RB1CC1: variants seen among roughly 807,000 people sequenced by gnomAD.
RB1CC1 encodes the protein RB1 inducible coiled-coil 1.
RB1CC1 carries 46 observed loss-of-function variants against 177.5 expected under a neutral mutation model. The ratio of observed to expected loss-of-function variants is 0.26; its 90% CI spans 0.20 to 0.33. The LOEUF (loss-of-function observed/expected upper bound fraction) is 0.33. RB1CC1 is among the 10% of genes least tolerant of loss of function. The pLI is 1.00. For synonymous variants in RB1CC1, 666 were observed against 613.6 expected, an observed-to-expected ratio of 1.09 and a Z score of -1.26; for missense variants, 1,703 against 1,816.3, an observed-to-expected ratio of 0.94 and a Z score of 1.13.
chr8:52,706,751 A>AG (rs1491287657), intron 1 of RB1CC1, among the ~76,000 whole-genome samples: 2 of 144,470 alleles, frequency 1.4e-5, no homozygotes, highest in Admixed American at 6.9e-5. Flanking sequence ...AAAAAAAAAA[A>AG]GAGAGAGAGA....
Position 52,658,916 on chromosome 8 carries a change from A to G in RB1CC1, c.1750T>C (p.Phe584Leu), listed in dbSNP as rs776022372. The part of the protein sequence containing the change: ...LPDISLKDLQ[F>L]LQSFCPSEVQ... ...TCCGAAGGACAAAATGATTGCAGAA[A>G]CTGTAAATCTTTTAATGAAATATCT... The change falls in exon 13 of 24, where the codon TTT becomes CTT. Residue 584 changes from phenylalanine to leucine, a missense_variant. This residue lies in a region of RB1CC1 where 1,169 missense variants were observed against 1,184.7 expected (regional missense o/e 0.99). Transcript: ENST00000025008. 2 of 1,589,472 alleles carry G rather than the reference A, an allele frequency of 1.3e-6. No individual in the cohort carries two copies. The highest frequency in any genetic ancestry group is 2.7e-5 in the African/African-American group (2 of 73,868).
At chr8:52,670,537 A>G (rs1029739947) in intron 7 of RB1CC1, among the ~76,000 whole-genome samples, 2 of 152,242 alleles carry the variant, frequency 1.3e-5, no homozygotes, top group African/African-American at 4.8e-5. Flanking sequence ...CCTTAAGATC[A>G]CAAGTTGTCT....
At chr8:52,700,036 A>C (rs1855906104) in intron 1 of RB1CC1, among the ~76,000 whole-genome samples, 1 of 151,716 alleles carries the variant, frequency 6.6e-6, no homozygotes, top group Admixed American at 6.6e-5. Context: ...CAATGCCTAT[A>C]CAAGAGCTAT....
chr8:52,697,618 AAAG>A (rs1855554643), intron 1 of RB1CC1, among the ~76,000 whole-genome samples: 1 of 152,212 alleles, frequency 6.6e-6, no homozygotes, highest in African/African-American at 2.4e-5. Flanking sequence ...GGCTGGAAGG[AAAG>A]AACAGAATTA....
chr8:52,663,764 T>C (rs1024587824), intron 8 of RB1CC1, among the ~76,000 whole-genome samples: 3 of 152,162 alleles, frequency 2.0e-5, no homozygotes, highest in Admixed American at 6.5e-5. Context: ...AAAGACTAGA[T>C]AGAATTGTGA....
chr8:52,663,631 A>G (rs1851816538), intron 8 of RB1CC1, among the ~76,000 whole-genome samples: 1 of 152,158 alleles, frequency 6.6e-6, no homozygotes, highest in South Asian at 2.1e-4. Flanking sequence ...ATCTGAATTT[A>G]TCTACTTTTC....
intron 1 of RB1CC1, among the ~76,000 whole-genome samples, chr8:52,706,780 T>C (rs1241675072): frequency 6.6e-6 from 1 of 150,434 alleles, no homozygotes; most frequent in Non-Finnish European, 1.5e-5. Context: ...CTCCTCAGCC[T>C]CCAGAGTAGC....
At chr8:52,685,554 A>T in intron 2 of RB1CC1, 34 bp from the exon 3 acceptor site, 1 of 760,680 alleles carries the variant, frequency 1.3e-6, no homozygotes, top group East Asian at 2.6e-5. Flanking sequence ...CAATTTTACA[A>T]ATGCAACTAC....
chr8:52,706,248 C>T (rs1231671988), intron 1 of RB1CC1, among the ~76,000 whole-genome samples: 1 of 151,938 alleles, frequency 6.6e-6, no homozygotes, highest in Non-Finnish European at 1.5e-5. Context: ...AGATTCCCAC[C>T]AGCCTTCCCT....
In RB1CC1 at chr8:52,659,002, A is replaced by C. The variant is rs532942064; in HGVS notation, c.1690-26T>G. The C allele has an allele frequency of 1.3e-5, 18 of 1,405,028 alleles. No homozygotes were observed. In the East Asian group the frequency reaches 2.6e-4, roughly 20 times the overall value. The allele number at this position is 1,405,028 out of a possible 1,614,324, so 87.0% of individuals were successfully genotyped here. A position where few individuals can be genotyped will look rare whatever the true frequency, so the allele number is the denominator to read the frequency against. The stretch of plus-strand genomic sequence containing the variant: ...CTGTACCAAAAAAATTAATTACTTA[A>C]AAAATTTTTTTTCAACCAAAAACAG... On this transcript the variant is annotated intron_variant, in intron 12 of 23. Transcript: ENST00000025008.
At chr8:52,650,379 T>C (rs567175900) in intron 15 of RB1CC1, among the ~76,000 whole-genome samples, 1 of 152,270 alleles carries the variant, frequency 6.6e-6, no homozygotes, top group East Asian at 1.9e-4. Flanking sequence ...GTAAGAGACT[T>C]CCAAGTAAAC....
intron 15 of RB1CC1, among the ~76,000 whole-genome samples, chr8:52,651,225 G>A (rs1048006067): frequency 1.3e-5 from 2 of 152,204 alleles, no homozygotes; most frequent in African/African-American, 4.8e-5. Flanking sequence ...ACTTTGCCAA[G>A]TTGACTGCCT....
At chr8:52,707,429 TTTC>T (rs1272776656) in intron 1 of RB1CC1, among the ~76,000 whole-genome samples, 39 of 123,772 alleles carry the variant, frequency 3.2e-4, no homozygotes, top group South Asian at 7.9e-4. Context: ...TTTTTCTTTC[TTTC>T]TTTTTTTTTT....
intron 7 of RB1CC1, among the ~76,000 whole-genome samples, 156 bp downstream of exon 7, chr8:52,673,689 G>T (rs1852809026): frequency 6.6e-6 from 1 of 151,990 alleles, no homozygotes. Context: ...ATAAAATTAT[G>T]AATTAAATTG....
chr8:52,631,673 C>T (rs919791498), intron 20 of RB1CC1, among the ~76,000 whole-genome samples: 3 of 152,112 alleles, frequency 2.0e-5, no homozygotes, highest in Non-Finnish European at 4.4e-5. Flanking sequence ...AACATTGGTC[C>T]AAACTACCTT....
At chr8:52,641,642 G>GGGGT (rs1849593664) in intron 18 of RB1CC1, among the ~76,000 whole-genome samples, 1 of 151,936 alleles carries the variant, frequency 6.6e-6, no homozygotes, top group Non-Finnish European at 1.5e-5. Flanking sequence ...ATCTCACATG[G>GGGGT]GGGTGTAGTG....
intron 1 of RB1CC1, among the ~76,000 whole-genome samples, chr8:52,709,770 A>G (rs1856902646): frequency 6.6e-6 from 1 of 152,204 alleles, no homozygotes; most frequent in South Asian, 2.1e-4. Context: ...ACAAAACAGA[A>G]TTCGCTTCCT....
rs776246176 is a variant in RB1CC1 at position 52,658,994 on chromosome 8, A to C, written c.1690-18T>G. On this transcript the variant is annotated intron_variant, in intron 12 of 23. Coordinates refer to ENST00000025008, the MANE Select transcript of RB1CC1 (RefSeq NM_014781.5). ...TTTTGAGTCTGTACCAAAAAAATTA[A>C]TTACTTAAAAAATTTTTTTTCAACC... The C allele has an allele frequency of 3.5e-6, 5 of 1,433,196 alleles. No homozygotes were observed. The highest frequency in any genetic ancestry group is 1.5e-5 in the South Asian group (1 of 67,854). The allele number at this position is 1,433,196 out of a possible 1,614,324, so 88.8% of individuals were successfully genotyped here. A position where few individuals can be genotyped will look rare whatever the true frequency, so the allele number is the denominator to read the frequency against.
chr8:52,638,594 CTGTT>C (rs1369303932), intron 18 of RB1CC1, among the ~76,000 whole-genome samples: 2 of 151,954 alleles, frequency 1.3e-5, no homozygotes, highest in Admixed American at 6.6e-5. Flanking sequence ...CAGACTTCTG[CTGTT>C]TGTTTTCTGT....
Sources: gnomAD v4.1 joint callset for allele counts (sites outside exome capture counted in the v4.1 genomes callset) on GRCh38, gnomAD v4.1.1 for gene constraint, gnomAD v4.1.1 regional missense constraint, MANE v1.5 for transcripts, NCBI Gene and HGNC (gene_info 2026-07-23, HGNC 2026-07-21) for gene names.